Variants in GBE1 observed in about 807,000 individuals in gnomAD.
GBE1 encodes 1,4-alpha-glucan-branching enzyme.
A neutral mutation model predicts 88.8 loss-of-function variants in GBE1; 70 were observed. The observed-to-expected ratio is 0.79, with a 90% CI of 0.65 to 0.96. The LOEUF is 0.96. Among genes scored for constraint, GBE1 ranks in the 40% least tolerant of loss-of-function variants. The pLI is 0.00. For synonymous variants in GBE1, 284 were observed against 300.1 expected, an observed-to-expected ratio of 0.95 and a Z score of 0.56; for missense variants, 872 against 871.0, an observed-to-expected ratio of 1.00 and a Z score of -0.01.
intron 9 of GBE1, among the ~76,000 whole-genome samples, chr3:81,588,912 A>C (rs1283421582): frequency 6.6e-6 from 1 of 152,144 alleles, no homozygotes; most frequent in Non-Finnish European, 1.5e-5. Flanking sequence ...GTGATTTGGT[A>C]ACAATCATAT....
rs561248784 is a variant in GBE1 at position 81,507,378 on chromosome 3, C to A, written c.1935-8151G>T. ...AGGAGATCGAGACCATCCTGGCTAA[C>A]ACTGTGAAACCCTGTCTCTACTAAA... On this transcript the variant is annotated intron_variant, in intron 14 of 15. Coordinates refer to ENST00000429644, the MANE Select transcript of GBE1 (RefSeq NM_000158.4). Among the ~76,000 whole-genome samples, 7 of 152,206 alleles carry A rather than the reference C, an allele frequency of 4.6e-5. No individual in the cohort carries two copies. In the South Asian group the frequency reaches 1.4e-3, roughly 32 times the overall value.
intron 1 of GBE1, among the ~76,000 whole-genome samples, chr3:81,729,556 A>C (rs1183016342): frequency 6.6e-6 from 1 of 152,216 alleles, no homozygotes; most frequent in Non-Finnish European, 1.5e-5. Context: ...AATCTTGGGA[A>C]GAAAGTAACT....
intron 12 of GBE1, among the ~76,000 whole-genome samples, chr3:81,560,232 A>G (rs1194737190): frequency 6.6e-6 from 1 of 152,026 alleles, no homozygotes; most frequent in African/African-American, 2.4e-5. Context: ...TTTCTACATT[A>G]TAACAAAAAG....
intron 2 of GBE1, among the ~76,000 whole-genome samples, chr3:81,681,586 T>C (rs1230390165): frequency 6.6e-6 from 1 of 152,208 alleles, no homozygotes; most frequent in Non-Finnish European, 1.5e-5. Context: ...GTTAAAATAA[T>C]GGTTTCTAAT....
chr3:81,598,022 G>A (rs1457069980), intron 7 of GBE1, among the ~76,000 whole-genome samples: 1 of 151,828 alleles, frequency 6.6e-6, no homozygotes, highest in Non-Finnish European at 1.5e-5. Context: ...AATTTTCTCA[G>A]TGAGCAACTA....
chr3:81,665,431 G>A (rs1204528857), intron 3 of GBE1, among the ~76,000 whole-genome samples: 1 of 151,746 alleles, frequency 6.6e-6, no homozygotes, highest in Admixed American at 6.6e-5. Flanking sequence ...AGCTGCTCGA[G>A]AGGCTGAGGC....
At position 81,608,922 on chromosome 3, in the gene GBE1, G is replaced by A. The variant is rs545323516; in HGVS notation, c.993-14899C>T. On this transcript the variant is annotated intron_variant, in intron 7 of 15. Coordinates refer to ENST00000429644, the MANE Select transcript of GBE1 (RefSeq NM_000158.4). ...GCATACAAATTTATGTAATATAAGAGCCTTCATAAGGAAACGTTGACTCAA... is the reference window on the plus strand; with the variant it reads ...GCATACAAATTTATGTAATATAAGAACCTTCATAAGGAAACGTTGACTCAA... 4.6e-5 allele frequency among the ~76,000 whole-genome samples: 7 copies of A among 152,232 alleles called. No individual in the cohort carries two copies. The East Asian group carries it at 1.4e-3, about 29-fold the overall frequency.
chr3:81,708,937 G>A (rs1036158015), intron 1 of GBE1, among the ~76,000 whole-genome samples: 8 of 152,104 alleles, frequency 5.3e-5, no homozygotes, highest in Admixed American at 5.2e-4. Flanking sequence ...ACCACCCCAA[G>A]GAGCCAGGCC....
intron 12 of GBE1, among the ~76,000 whole-genome samples, chr3:81,559,807 A>G (rs1007437014): frequency 7.9e-5 from 12 of 152,006 alleles, no homozygotes; most frequent in African/African-American, 2.9e-4. Flanking sequence ...TCTCTTTAGA[A>G]GCTATCAGAA....
intron 7 of GBE1, among the ~76,000 whole-genome samples, chr3:81,631,745 CAAA>C (rs201104083): frequency 8.3e-6 from 1 of 120,048 alleles, no homozygotes. Context: ...GACTCTGTCT[CAAA>C]AAAAAAAAAA....
intron 2 of GBE1, among the ~76,000 whole-genome samples, chr3:81,685,035 TAAC>T (rs1460375754): frequency 6.6e-6 from 1 of 152,170 alleles, no homozygotes; most frequent in Non-Finnish European, 1.5e-5. Context: ...TTGTGGAGGA[TAAC>T]AACAAAAGTA....
At chr3:81,607,815 T>C (rs1481100975) in intron 7 of GBE1, among the ~76,000 whole-genome samples, 4 of 152,220 alleles carry the variant, frequency 2.6e-5, no homozygotes, top group Admixed American at 6.6e-5. Context: ...TCTTTTCTAA[T>C]TGAATTTCCC....
intron 2 of GBE1, among the ~76,000 whole-genome samples, chr3:81,675,734 C>A (rs1705242886): frequency 6.6e-6 from 1 of 152,138 alleles, no homozygotes; most frequent in Non-Finnish European, 1.5e-5. Flanking sequence ...AAGTTAGGTA[C>A]CCCCAAAACA....
At chr3:81,695,734 G>A (rs9844254) in intron 2 of GBE1, among the ~76,000 whole-genome samples, 10,652 of 152,166 alleles carry the variant, frequency 0.07, 721 homozygotes, top group African/African-American at 0.17. Context: ...AGGCCTTCAA[G>A]ATTTGGGTTA....
chr3:81,741,140 C>G (rs144167499), intron 1 of GBE1, among the ~76,000 whole-genome samples: 1 of 151,970 alleles, frequency 6.6e-6, no homozygotes, highest in Non-Finnish European at 1.5e-5. Context: ...TTAACAATAC[C>G]GTCTATATAA....
At chr3:81,645,336 G>A (rs1704747720) in intron 6 of GBE1, among the ~76,000 whole-genome samples, 2 of 152,182 alleles carry the variant, frequency 1.3e-5, no homozygotes, top group African/African-American at 2.4e-5. Flanking sequence ...GCAACAAGAG[G>A]AGGTTAAAAT....
intron 12 of GBE1, among the ~76,000 whole-genome samples, chr3:81,543,865 T>C (rs1043691891): frequency 1.3e-5 from 2 of 152,166 alleles, no homozygotes; most frequent in Non-Finnish European, 2.9e-5. Context: ...ATTTAAGCAA[T>C]ATGTATATTC....
At chr3:81,518,057 T>G (rs1239088156) in intron 14 of GBE1, among the ~76,000 whole-genome samples, 1 of 151,330 alleles carries the variant, frequency 6.6e-6, no homozygotes, top group Non-Finnish European at 1.5e-5. Flanking sequence ...TTTTAAAAAT[T>G]GATGAAAATG....
At chr3:81,753,974 G>A (rs940427325) in intron 1 of GBE1, among the ~76,000 whole-genome samples, 4 of 152,118 alleles carry the variant, frequency 2.6e-5, no homozygotes, top group African/African-American at 9.7e-5. Flanking sequence ...TTAGGCAAGA[G>A]ATACAGCTAA....
Sources: allele counts gnomAD v4.1 joint callset (sites outside exome capture counted in the v4.1 genomes callset), GRCh38; gene constraint gnomAD v4.1.1; transcripts MANE v1.5; gene names NCBI Gene and HGNC (gene_info 2026-07-23, HGNC 2026-07-21).